The following PVT1 variants were observed in gnomAD, a reference collection of about 807,000 sequenced individuals.
The protein encoded by PVT1 is CXCR4/PVT1 fusion.
chr8:128,042,188 T>C (rs1035806907), intron 4 of PVT1, among the ~76,000 whole-genome samples: 7 of 152,206 alleles, frequency 4.6e-5, no homozygotes, highest in South Asian at 4.1e-4. Flanking sequence ...TTGGTGTGAA[T>C]AATGTGAAGT....
intron 4 of PVT1, among the ~76,000 whole-genome samples, chr8:128,050,237 C>T (rs115714397): frequency 3.7e-4 from 57 of 152,294 alleles, no homozygotes; most frequent in Middle Eastern, 6.8e-3. Flanking sequence ...CCATCCCTTC[C>T]CCAACCTCTC....
At chr8:128,011,960 G>C (rs1817319274) in intron 4 of PVT1, among the ~76,000 whole-genome samples, 1 of 152,306 alleles carries the variant, frequency 6.6e-6, no homozygotes, top group East Asian at 1.9e-4. Flanking sequence ...GGGCTGAAAG[G>C]ATCCAAGCAT....
chr8:128,043,407 T>A (rs1393797156), intron 4 of PVT1, among the ~76,000 whole-genome samples: 1 of 152,152 alleles, frequency 6.6e-6, no homozygotes, highest in Non-Finnish European at 1.5e-5. Context: ...TTTGTTTTGT[T>A]TTGAAATCAG....
intron 3 of PVT1, among the ~76,000 whole-genome samples, chr8:127,980,568 G>A (rs1260831140): frequency 5.9e-5 from 9 of 152,090 alleles, no homozygotes; most frequent in Non-Finnish European, 1.5e-5. Context: ...CTCTGTTGCA[G>A]CCCACCTCTG....
intron 2 of PVT1, among the ~76,000 whole-genome samples, chr8:127,851,390 A>G (rs985563739): frequency 6.6e-6 from 1 of 152,336 alleles, no homozygotes; most frequent in Non-Finnish European, 1.5e-5. Context: ...AGTTCCAAGC[A>G]GTGTGACCTG....
chr8:127,863,727 T>TTAGCTTG (rs777425528), intron 2 of PVT1, among the ~76,000 whole-genome samples: 28 of 152,342 alleles, frequency 1.8e-4, no homozygotes, highest in Admixed American at 1.1e-3. Flanking sequence ...AGCACAGTGC[T>TTAGCTTG]TAGCTTGGAA....
chr8:127,986,492 C>T (rs1188266363), intron 3 of PVT1, among the ~76,000 whole-genome samples: 2 of 152,236 alleles, frequency 1.3e-5, no homozygotes, highest in Non-Finnish European at 2.9e-5. Flanking sequence ...AGAACTGTGT[C>T]AGGTGGGAGG....
At chr8:127,832,533 T>C (rs555580292) in intron 2 of PVT1, among the ~76,000 whole-genome samples, 1 of 152,356 alleles carries the variant, frequency 6.6e-6, no homozygotes, top group East Asian at 1.9e-4. Context: ...GAGTGAGTTC[T>C]ATGTCACTAG....
chr8:127,871,493 T>C (rs943150063), intron 2 of PVT1, among the ~76,000 whole-genome samples: 1 of 152,188 alleles, frequency 6.6e-6, no homozygotes, highest in Non-Finnish European at 1.5e-5. Flanking sequence ...AGGGATGCGC[T>C]GGACTCCCAG....
At chr8:128,003,231 C>A (rs1343996049) in intron 4 of PVT1, among the ~76,000 whole-genome samples, 2 of 116,696 alleles carry the variant, frequency 1.7e-5, no homozygotes, top group East Asian at 6.1e-4. Context: ...CCCTCCCTTT[C>A]TTCCTTCCTT....
chr8:128,035,565 T>C (rs1209303601), intron 4 of PVT1, among the ~76,000 whole-genome samples: 1 of 152,142 alleles, frequency 6.6e-6, no homozygotes, highest in Non-Finnish European at 1.5e-5. Context: ...AGTCAACACA[T>C]GTGGTCTGCT....
chr8:128,029,776 G>A (rs1478357879), intron 4 of PVT1, among the ~76,000 whole-genome samples: 1 of 152,146 alleles, frequency 6.6e-6, no homozygotes, highest in African/African-American at 2.4e-5. Flanking sequence ...TCCAGCCTGG[G>A]CAACAGAGGG....
chr8:127,892,294 C>G (rs888305289), intron 3 of PVT1, among the ~76,000 whole-genome samples: 2 of 152,188 alleles, frequency 1.3e-5, no homozygotes, highest in Non-Finnish European at 2.9e-5. Flanking sequence ...CTGTCTTTCT[C>G]TCACACTAGA....
chr8:127,979,209 T>C (rs1816857186), intron 3 of PVT1, among the ~76,000 whole-genome samples: 1 of 152,234 alleles, frequency 6.6e-6, no homozygotes, highest in Admixed American at 6.5e-5. Context: ...TATTAGGTGC[T>C]AGGTGAACAA....
At chr8:127,960,007 C>G (rs943304130) in intron 3 of PVT1, among the ~76,000 whole-genome samples, 1 of 152,186 alleles carries the variant, frequency 6.6e-6, no homozygotes, top group Non-Finnish European at 1.5e-5. Context: ...TATGTGATTC[C>G]TGGAAGGGGT....
chr8:127,957,414 A>C (rs540740765), intron 3 of PVT1, among the ~76,000 whole-genome samples: 1 of 152,130 alleles, frequency 6.6e-6, no homozygotes, highest in South Asian at 2.1e-4. Context: ...TAAAAACACA[A>C]AAATTAGCTG....
chr8:128,065,507 C>T (rs1029170721), intron 4 of PVT1, among the ~76,000 whole-genome samples: 1 of 152,216 alleles, frequency 6.6e-6, no homozygotes, highest in Non-Finnish European at 1.5e-5. Context: ...CTTCATTTCT[C>T]TTTCACTCTG....
intron 3 of PVT1, among the ~76,000 whole-genome samples, chr8:127,924,760 C>A (rs1816109274): frequency 6.6e-6 from 1 of 152,242 alleles, no homozygotes; most frequent in East Asian, 1.9e-4. Context: ...ATCCGCCCAC[C>A]TCGGCCTCCC....
chr8:127,860,636 G>A (rs969770403), intron 2 of PVT1, among the ~76,000 whole-genome samples: 9 of 151,876 alleles, frequency 5.9e-5, no homozygotes, highest in Admixed American at 4.6e-4. Flanking sequence ...GTGGTGGCAC[G>A]TGCCTGTAAT....
Sources: gnomAD v4.1 joint callset for allele counts (sites outside exome capture counted in the v4.1 genomes callset) on GRCh38, gnomAD v4.1.1 for gene constraint, MANE v1.5 for transcripts, NCBI Gene and HGNC (gene_info 2026-07-23, HGNC 2026-07-21) for gene names.